Variants in PTPRJ observed in about 807,000 individuals in gnomAD.
PTPRJ encodes protein tyrosine phosphatase receptor type J.
Under a neutral mutation model 141.3 loss-of-function variants are expected in PTPRJ, and 129 were observed. The ratio of observed to expected loss-of-function variants is 0.91; its 90% CI spans 0.79 to 1.06. The LOEUF (loss-of-function observed/expected upper bound fraction) is 1.06, where lower values mean the gene tolerates loss of function less well. PTPRJ is among the 50% of genes least tolerant of loss of function. The pLI is 0.00. For synonymous variants in PTPRJ, 610 were observed against 640.5 expected (o/e 0.95, Z 0.72); for missense variants, 1,601 against 1,679.7 (o/e 0.95, Z 0.82).
chr11:48,072,841 T>C (rs1239707529), intron 1 of PTPRJ, among the ~76,000 whole-genome samples: 2 of 152,146 alleles, frequency 1.3e-5, no homozygotes, highest in Non-Finnish European at 2.9e-5. Flanking sequence ...AAAAAGCCCA[T>C]AAAACAATGA....
intron 21 of PTPRJ, 68 bp downstream of exon 21, chr11:48,156,187 A>G: frequency 7.3e-7 from 1 of 1,361,120 alleles, no homozygotes; most frequent in Non-Finnish European, 1.0e-6. Context: ...GCAGAAGGGT[A>G]TCTTAAAAAC....
At chr11:48,019,328 G>A (rs552112049) in intron 1 of PTPRJ, among the ~76,000 whole-genome samples, 10 of 152,190 alleles carry the variant, frequency 6.6e-5, no homozygotes, top group African/African-American at 2.4e-4. Flanking sequence ...AGCCTCTCCA[G>A]GCCTCTGACT....
Position 48,123,708 on chromosome 11 carries a change from GTTC to G in PTPRJ, c.718_720del (p.Leu240del). Reference sequence around the variant, plus strand: ...TGGCAATGGCACTGCCTCCTGCCGGGTTCTTCTTGAAAGCATTGGAAGCCATGA... The same window carrying G: ...TGGCAATGGCACTGCCTCCTGCCGGGTTCTTGAAAGCATTGGAAGCCATGA... On this transcript the variant is annotated inframe_deletion, in exon 5 of 25. Transcript: ENST00000418331. The G allele has an allele frequency of 2.5e-6, 4 of 1,614,156 alleles. No individual in the cohort carries two copies. The highest frequency in any genetic ancestry group is 3.4e-6 in the Non-Finnish European group (4 of 1,180,026).
chr11:48,063,094 G>A (rs1210916148), intron 1 of PTPRJ, among the ~76,000 whole-genome samples: 1 of 152,220 alleles, frequency 6.6e-6, no homozygotes, highest in Admixed American at 6.5e-5. Context: ...TTGGGAGGCC[G>A]AGGTGGGTGG....
At chr11:48,038,955 C>T (rs1477749735) in intron 1 of PTPRJ, among the ~76,000 whole-genome samples, 1 of 151,006 alleles carries the variant, frequency 6.6e-6, no homozygotes, top group East Asian at 2.0e-4. Context: ...TCGAGACCAG[C>T]CTGGCCAACA....
At chr11:48,082,048 A>G (rs1490293895) in intron 1 of PTPRJ, among the ~76,000 whole-genome samples, 1 of 152,198 alleles carries the variant, frequency 6.6e-6, no homozygotes, top group Non-Finnish European at 1.5e-5. Context: ...GGCTGGGTGC[A>G]GAGTAGTCTC....
In PTPRJ at chr11:48,130,664, A is replaced by C. The variant is rs1165783808; in HGVS notation, c.1563A>C (p.Pro521=). ...CCAAGTATTGCTTTGAAATAGTTCC[A>C]AAAGGACCAAATGGGACTGAAGGGG... ...PGTKYCFEIV[P]KGPNGTEGAS... is the part of the protein sequence containing the mutation. Residue 521 remains proline (P), a synonymous_variant, in exon 8 of 25, where the codon CCA becomes CCC. Coordinates refer to ENST00000418331, the MANE Select transcript of PTPRJ (RefSeq NM_002843.4). 2.5e-6 allele frequency: 4 copies of C among 1,613,998 alleles called. No homozygotes were observed. The highest frequency in any genetic ancestry group is 1.7e-5 in the Admixed American group (1 of 59,988).
intron 1 of PTPRJ, among the ~76,000 whole-genome samples, chr11:48,000,393 G>A (rs1232691416): frequency 2.0e-5 from 3 of 151,772 alleles, no homozygotes; most frequent in Admixed American, 2.0e-4. Context: ...CGATCCTCCC[G>A]TCTTGGCCTC....
At chr11:47,993,831 ATT>A (rs1001975747) in intron 1 of PTPRJ, among the ~76,000 whole-genome samples, 15 of 139,348 alleles carry the variant, frequency 1.1e-4, no homozygotes, top group Admixed American at 1.4e-4. Context: ...CAAACAGTTC[ATT>A]TTTTTTTTTT....
intron 1 of PTPRJ, among the ~76,000 whole-genome samples, chr11:48,035,693 T>G (rs1854107897): frequency 6.6e-6 from 1 of 152,086 alleles, no homozygotes; most frequent in African/African-American, 2.4e-5. Flanking sequence ...CACCATTGTG[T>G]CATATTGCTA....
chr11:48,120,954 C>A (rs1856688320), intron 3 of PTPRJ, 49 bp from the exon 4 acceptor site: 3 of 1,468,346 alleles, frequency 2.0e-6, no homozygotes, highest in Non-Finnish European at 1.8e-6. Flanking sequence ...CTCACTCTTA[C>A]ATTTCTTTTT....
chr11:48,116,875 C>T (rs1490131101), intron 3 of PTPRJ, among the ~76,000 whole-genome samples: 1 of 152,174 alleles, frequency 6.6e-6, no homozygotes, highest in Non-Finnish European at 1.5e-5. Flanking sequence ...AGACAAACAT[C>T]ACTTCTTAAG....
chr11:48,140,495 G>A (rs1403884523), intron 11 of PTPRJ, among the ~76,000 whole-genome samples: 1 of 152,184 alleles, frequency 6.6e-6, no homozygotes, highest in African/African-American at 2.4e-5. Context: ...TGCCAATTTT[G>A]CAGCAAGGAC....
intron 5 of PTPRJ, 91 bp downstream of exon 5, chr11:48,123,961 A>T (rs535055698): frequency 1.4e-6 from 2 of 1,387,530 alleles, no homozygotes; most frequent in East Asian, 4.6e-5. Context: ...TTCCATGTGT[A>T]TGGAGATTTA....
intron 1 of PTPRJ, among the ~76,000 whole-genome samples, chr11:48,024,771 T>G (rs1853759126): frequency 6.6e-6 from 1 of 152,234 alleles, no homozygotes; most frequent in African/African-American, 2.4e-5. Context: ...TTTCATTCAT[T>G]CTGAGTGGCA....
At chr11:47,998,153 G>A (rs981255288) in intron 1 of PTPRJ, among the ~76,000 whole-genome samples, 5 of 151,544 alleles carry the variant, frequency 3.3e-5, no homozygotes, top group Admixed American at 3.3e-4. Flanking sequence ...AATTTCATGA[G>A]GTTTTTCTGA....
intron 8 of PTPRJ, among the ~76,000 whole-genome samples, chr11:48,131,310 T>C (rs937405129): frequency 1.3e-5 from 2 of 152,022 alleles, no homozygotes; most frequent in Admixed American, 6.6e-5. Context: ...CTTGATCTCC[T>C]GATCTCAAAT....
intron 24 of PTPRJ, 96 bp from the exon 25 acceptor site, chr11:48,167,108 G>A (rs1590577069): frequency 2.5e-6 from 3 of 1,199,828 alleles, no homozygotes; most frequent in East Asian, 2.3e-5. Flanking sequence ...GGGTTTGGGA[G>A]TTGGGCGGGG....
rs140686417 is a variant in PTPRJ, at chr11:48,137,172, C to A, written c.2043C>A (p.Asp681Glu). ...TQVVTDIGIT[D>E]ATVTELIPGS... ...TAGTCACGGACATTGGAATTACTGA[C>A]GCTACAGTCACTGAATTAATACCTG... Residue 681 changes from aspartate (D) to glutamate (E), a missense_variant, in exon 10 of 25, where the codon GAC (aspartate) becomes GAA (glutamate). Asp to Glu is a conservative substitution (Grantham distance 45). Transcript: ENST00000418331. 6.2e-7 allele frequency: 1 copy of A among 1,612,840 alleles called. No individual in the cohort carries two copies. Among genetic ancestry groups the A allele is most frequent in the South Asian group, 1.1e-5 (1 of 91,054 alleles).
Sources: allele counts gnomAD v4.1 joint callset (sites outside exome capture counted in the v4.1 genomes callset), GRCh38; gene constraint gnomAD v4.1.1; transcripts MANE v1.5; gene names NCBI Gene and HGNC (gene_info 2026-07-23, HGNC 2026-07-21).